The following RB1 variants were observed in gnomAD, a reference collection of about 807,000 sequenced individuals.
RB1 encodes the protein retinoblastoma-associated protein.
A neutral mutation model predicts 135.4 loss-of-function variants in RB1; 18 were observed. The observed-to-expected ratio is 0.13, with a 90% confidence interval of 0.09 to 0.20. The LOEUF (loss-of-function observed/expected upper bound fraction) is 0.20. Ranked by LOEUF, RB1 falls within the 10% of genes least tolerant of loss-of-function variation. The pLI, the probability that RB1 is intolerant of heterozygous loss-of-function variation, is 1.00. For missense variants in RB1, 868 were observed against 1,110.0 expected (o/e 0.78, Z 3.10); for synonymous variants, 365 against 373.2 (o/e 0.98, Z 0.25).
chr13:48,472,341 T>C lies in RB1; in HGVS notation c.2490-1019T>C, dbSNP rs981098065. ...AAGTAAGAAATAATTGGCAATATGA[T>C]ACAAATGCTCTCATGTGTCTCTGTA... On this transcript the variant is annotated intron_variant, in intron 23 of 26. Transcript: ENST00000267163. Among the ~76,000 whole-genome samples the C allele has an allele frequency of 3.3e-5, 5 of 152,316 alleles. No homozygotes were observed. The South Asian group carries it at 8.3e-4, about 25-fold the overall frequency.
chr13:48,456,552 T>C (rs1257396814), intron 19 of RB1, among the ~76,000 whole-genome samples: 1 of 144,294 alleles, frequency 6.9e-6, no homozygotes, highest in Non-Finnish European at 1.5e-5. Flanking sequence ...GCCGGAAACC[T>C]CTGTGACCGG....
At chr13:48,312,105 T>A (rs547141384) in intron 2 of RB1, among the ~76,000 whole-genome samples, 9 of 152,284 alleles carry the variant, frequency 5.9e-5, no homozygotes, top group Admixed American at 2.0e-4. Flanking sequence ...TGTGCTTTTT[T>A]ATCCAAATTT....
chr13:48,467,246 C>T (rs1225420657), intron 23 of RB1, among the ~76,000 whole-genome samples: 51 of 118,338 alleles, frequency 4.3e-4, no homozygotes, highest in East Asian at 1.4e-3. Context: ...AGAGTGGGGG[C>T]CAATATTCAA....
At chr13:48,384,130 G>T (rs2138149302) in intron 17 of RB1, among the ~76,000 whole-genome samples, 1 of 152,204 alleles carries the variant, frequency 6.6e-6, no homozygotes, top group East Asian at 1.9e-4. Context: ...TGGAGAAAAA[G>T]TGACAAGCCC....
chr13:48,342,759 C>T lies in RB1; in HGVS notation c.380+45C>T, dbSNP rs520342. ...TATAAGCCTCTGCCATAAAAGGAAA[C>T]GAATTCTGGATTTTCCTCTCAATAG... On this transcript the variant is annotated intron_variant, in intron 3 of 26. Coordinates refer to ENST00000267163, the MANE Select transcript of RB1 (RefSeq NM_000321.3). 320,176 of 1,330,802 alleles carry T rather than the reference C, an allele frequency of 0.24. 39,464 individuals are homozygous for T. Among genetic ancestry groups the T allele is most frequent in the Non-Finnish European group, 0.25 (232,499 of 927,618 alleles). 82.4% of individuals were successfully genotyped at this position (1,330,802 alleles called of 1,614,324 possible).
chr13:48,336,450 T>G (rs1347898890), intron 2 of RB1, among the ~76,000 whole-genome samples: 1 of 152,214 alleles, frequency 6.6e-6, no homozygotes, highest in East Asian at 1.9e-4. Context: ...CCATTTCTTC[T>G]AGATTTTCTA....
At chr13:48,356,495 CTTTA>C (rs964070885) in intron 6 of RB1, among the ~76,000 whole-genome samples, 3 of 151,856 alleles carry the variant, frequency 2.0e-5, no homozygotes, top group Non-Finnish European at 4.4e-5. Flanking sequence ...AGGTTACAAT[CTTTA>C]TTTAAGTTTG....
chr13:48,381,819 A>G (rs895433213), intron 17 of RB1, among the ~76,000 whole-genome samples: 12 of 152,248 alleles, frequency 7.9e-5, no homozygotes, highest in Admixed American at 7.9e-4. Flanking sequence ...TACATTAGAT[A>G]TATCTCCTAA....
chr13:48,347,201 T>C (rs1310668311), intron 4 of RB1, among the ~76,000 whole-genome samples: 1 of 151,990 alleles, frequency 6.6e-6, no homozygotes, highest in Non-Finnish European at 1.5e-5. Context: ...GTGATTTTGG[T>C]CAGAGAAAAA....
chr13:48,347,649 G>A (rs1952510068), intron 4 of RB1, among the ~76,000 whole-genome samples, 176 bp from the exon 5 acceptor site: 1 of 151,888 alleles, frequency 6.6e-6, no homozygotes, highest in Non-Finnish European at 1.5e-5. Context: ...ATATATTAAA[G>A]TGATGTGAGA....
intron 2 of RB1, among the ~76,000 whole-genome samples, chr13:48,314,328 G>A (rs1213991741): frequency 2.0e-5 from 3 of 152,182 alleles, no homozygotes; most frequent in African/African-American, 7.2e-5. Context: ...TCAGATGCAT[G>A]CATATGGAAT....
chr13:48,398,218 A>G (rs1222343336), intron 17 of RB1, among the ~76,000 whole-genome samples: 1 of 151,056 alleles, frequency 6.6e-6, no homozygotes, highest in Non-Finnish European at 1.5e-5. Flanking sequence ...AAGAGGAAAC[A>G]TTTTATTTTA....
intron 17 of RB1, among the ~76,000 whole-genome samples, chr13:48,418,644 C>T (rs1337509481): frequency 6.6e-6 from 1 of 151,462 alleles, no homozygotes; most frequent in African/African-American, 2.4e-5. Context: ...GGAGACTCAT[C>T]TCACATGCAA....
At chr13:48,353,726 A>G (rs951686754) in intron 6 of RB1, among the ~76,000 whole-genome samples, 1 of 152,164 alleles carries the variant, frequency 6.6e-6, no homozygotes, top group African/African-American at 2.4e-5. Flanking sequence ...TCAATAATAC[A>G]TTAGATAGAT....
At chr13:48,407,938 T>C (rs575783528) in intron 17 of RB1, among the ~76,000 whole-genome samples, 1 of 152,286 alleles carries the variant, frequency 6.6e-6, no homozygotes, top group South Asian at 2.1e-4. Context: ...ATGCTTCTTC[T>C]TGGAAATAGT....
intron 17 of RB1, among the ~76,000 whole-genome samples, chr13:48,400,480 C>T (rs1305186794): frequency 1.3e-5 from 2 of 152,088 alleles, no homozygotes; most frequent in African/African-American, 2.4e-5. Context: ...TGTCATGATT[C>T]GTTTATTTGC....
At chr13:48,352,197 A>G (rs937841176) in intron 6 of RB1, among the ~76,000 whole-genome samples, 7 of 151,960 alleles carry the variant, frequency 4.6e-5, no homozygotes, top group Non-Finnish European at 8.8e-5. Flanking sequence ...GGTTTACATT[A>G]TTCTGAAAAA....
chr13:48,366,710 A>G (rs566036755), intron 9 of RB1, among the ~76,000 whole-genome samples: 1 of 152,378 alleles, frequency 6.6e-6, no homozygotes, highest in East Asian at 1.9e-4. Flanking sequence ...TGCCCAAGAT[A>G]CTTAACTGAA....
In RB1 at chr13:48,479,985, A is replaced by G. The variant is rs370213866; in HGVS notation, c.2714-13A>G. 2 of 1,609,926 alleles carry G rather than the reference A, an allele frequency of 1.2e-6. No individual in the cohort carries two copies. The highest frequency in any genetic ancestry group is 2.7e-5 in the African/African-American group (2 of 74,744). ...CCATCAATGCTGTTAACAGTTCTTC[A>G]TCCTTTTTCCAGCTTCTACTCGAAC... is the stretch of plus-strand genomic sequence containing the variant. On this transcript the variant is annotated splice_polypyrimidine_tract_variant and intron_variant, in intron 26 of 26. Transcript: ENST00000267163.
Sources: gnomAD v4.1 joint callset for allele counts (sites outside exome capture counted in the v4.1 genomes callset) on GRCh38, gnomAD v4.1.1 for gene constraint, MANE v1.5 for transcripts, NCBI Gene and HGNC (gene_info 2026-07-23, HGNC 2026-07-21) for gene names.